Variants in RP1 observed in about 807,000 individuals in gnomAD.
The protein encoded by RP1 is RP1 axonemal microtubule associated, also known as oxygen-regulated protein 1.
Under a neutral mutation model 14.8 loss-of-function variants are expected in RP1, and 16 were observed. The ratio of observed to expected loss-of-function variants is 1.08; its 90% CI spans 0.73 to 1.65. RP1 has a LOEUF of 1.65. Ranked by LOEUF, RP1 falls within the 40% of genes most tolerant of loss-of-function variation. The probability of loss-of-function intolerance (pLI) is 0.00; values close to 1 mark genes in which losing one functional copy is unlikely to be tolerated. For missense variants in RP1, 2,631 were observed against 2,535.0 expected (o/e 1.04, Z -0.81); for synonymous variants, 876 against 883.6 (o/e 0.99, Z 0.15).
intron 1 of RP1, among the ~76,000 whole-genome samples, chr8:54,599,583 C>T (rs971539766): frequency 2.6e-5 from 4 of 152,004 alleles, no homozygotes; most frequent in African/African-American, 7.2e-5. Context: ...CTCAGCCTCC[C>T]GAGTAGGCTA....
At position 54,732,294 on chromosome 8, in the gene RP1, C is replaced by T. The variant is rs144737579; in HGVS notation, c.2522-2251C>T. On this transcript the variant is annotated intron_variant, in intron 17 of 22. Coordinates refer to the RP1 transcript ENST00000636932. ...CACTCCTCAATTACTCACTTCCTGC[C>T]CTCCGCTACACCTGAACTTTTCAGT... is the stretch of plus-strand genomic sequence containing the variant. Among the ~76,000 whole-genome samples the T allele has an allele frequency of 2.2e-3, 336 of 152,280 alleles. 1 individual carries two copies. The highest frequency in any genetic ancestry group is 7.5e-3 in the African/African-American group (310 of 41,560).
rs375877155 is a variant in RP1, at chr8:54,670,671, T to TTATATATATA, written c.1324-3152_1324-3143dup. Among the ~76,000 whole-genome samples, 89 of 62,542 alleles carry TTATATATATA rather than the reference T, an allele frequency of 1.4e-3. 11 individuals are homozygous for TTATATATATA. The highest frequency in any genetic ancestry group is 4.4e-3 in the African/African-American group (64 of 14,522). The allele number at this position is 62,542 out of a possible 152,430, so 41.0% of individuals were successfully genotyped here. ...ATATTTATGAATAATATATATGTTT[T>TTATATATATA]TATATATATATATATATATATATAT... On this transcript the variant is annotated intron_variant, in intron 7 of 22. Transcript: ENST00000636932.
chr8:54,864,951 A>G (rs984667951), intron 27 of RP1, among the ~76,000 whole-genome samples: 21 of 152,274 alleles, frequency 1.4e-4, no homozygotes, highest in Admixed American at 1.1e-3. Context: ...AGGAACTGAC[A>G]TCTTTATGAT....
intron 1 of RP1, among the ~76,000 whole-genome samples, chr8:54,579,652 T>A (rs976194461): frequency 6.6e-6 from 1 of 152,226 alleles, no homozygotes; most frequent in Admixed American, 6.5e-5. Context: ...TCCAGCATCT[T>A]TGAAACCACC....
chr8:54,629,551 C>A lies in RP1; in HGVS notation c.5669C>A (p.Pro1890Gln), dbSNP rs750660029. ...TCTGATGATGCTATTAAAAACCAAC[C>A]ATTGCCTGGCAGTAATATGATTCAT... is the stretch of plus-strand genomic sequence containing the variant. ...PVSDDAIKNQ[P>Q]LPGSNMIHGT... is the part of the protein sequence containing the mutation. Residue 1890 changes from proline (P) to glutamine (Q), a missense_variant, in exon 4 of 4, where the codon CCA (proline) becomes CAA (glutamine). Pro to Gln is a moderately conservative substitution (Grantham distance 76). Transcript: ENST00000220676. 1.9e-6 allele frequency: 3 copies of A among 1,614,024 alleles called. No individual in the cohort carries two copies. The highest frequency in any genetic ancestry group is 2.2e-5 in the East Asian group (1 of 44,874).
At chr8:54,816,723 A>C (rs1381804796) in intron 24 of RP1, among the ~76,000 whole-genome samples, 1 of 152,212 alleles carries the variant, frequency 6.6e-6, no homozygotes, top group African/African-American at 2.4e-5. Context: ...ATCTTTTAGA[A>C]ACATAAACTG....
rs567600904 is a variant in RP1, at chr8:54,761,483, C to T, written c.3248+2407C>T. Among the ~76,000 whole-genome samples the T allele has an allele frequency of 1.8e-4, 27 of 152,170 alleles. No individual in the cohort carries two copies. The East Asian group carries it at 3.5e-3, about 20-fold the overall frequency. Reference sequence around the variant, plus strand: ...AACCCCTGACTTCAGGCAATCCGCTCGCCTTAACCTCCCAAACTGCTGGAT... The same window carrying T: ...AACCCCTGACTTCAGGCAATCCGCTTGCCTTAACCTCCCAAACTGCTGGAT... On this transcript the variant is annotated intron_variant, in intron 22 of 22. Transcript: ENST00000636932.
chr8:54,818,548 T>A (rs940401520), intron 24 of RP1, among the ~76,000 whole-genome samples: 2 of 152,240 alleles, frequency 1.3e-5, no homozygotes, highest in Admixed American at 1.3e-4. Flanking sequence ...GACCTCTTGA[T>A]GCAGAAGGAC....
chr8:54,599,370 G>A (rs927140267), intron 1 of RP1, among the ~76,000 whole-genome samples: 2 of 151,822 alleles, frequency 1.3e-5, no homozygotes, highest in African/African-American at 4.8e-5. Flanking sequence ...GGAATTGCTT[G>A]TTGAAGTAGT....
Position 54,601,053 on chromosome 8 carries a change from C to T in RP1, c.-12-19902C>T, listed in dbSNP as rs16920580. ...TAGGGAGACGTGGTCTCCTCCATTT[C>T]GGTCTGGACTATTCTCTGCAACTAA... is the stretch of plus-strand genomic sequence containing the variant. On this transcript the variant is annotated intron_variant, in intron 1 of 22. Transcript: ENST00000636932. Among the ~76,000 whole-genome samples the T allele has an allele frequency of 6.1e-3, 925 of 152,242 alleles. 12 individuals are homozygous for T. The highest frequency in any genetic ancestry group is 0.04 in the East Asian group (206 of 5,168).
intron 22 of RP1, among the ~76,000 whole-genome samples, chr8:54,760,500 TG>T (rs1319230066): frequency 1.3e-5 from 2 of 152,206 alleles, no homozygotes; most frequent in Admixed American, 1.3e-4. Context: ...AGAAAAAATA[TG>T]GGGGAAAATA....
At chr8:54,723,650 G>A (rs1808585063) in intron 16 of RP1, among the ~76,000 whole-genome samples, 1 of 152,058 alleles carries the variant, frequency 6.6e-6, no homozygotes, top group African/African-American at 2.4e-5. Context: ...TGATTATCCG[G>A]ATATGTGGGT....
chr8:54,588,263 A>G (rs1585531347), intron 1 of RP1, among the ~76,000 whole-genome samples: 1 of 152,350 alleles, frequency 6.6e-6, no homozygotes, highest in East Asian at 1.9e-4. Context: ...CTTACAGGAT[A>G]GAATGTCAGG....
chr8:54,622,407 G>A (rs1270679296), intron 3 of RP1, 119 bp downstream of exon 3: 6 of 833,732 alleles, frequency 7.2e-6, no homozygotes, highest in Non-Finnish European at 1.2e-5. Context: ...GAAAAGGAGA[G>A]GATTTAAAAA....
At chr8:54,713,266 T>G (rs1346523585) in intron 15 of RP1, among the ~76,000 whole-genome samples, 1 of 152,184 alleles carries the variant, frequency 6.6e-6, no homozygotes, top group African/African-American at 2.4e-5. Flanking sequence ...TAAATCACCT[T>G]AATAGATTTG....
rs917249027 is a variant in RP1 at position 54,679,945 on chromosome 8, G to A, written c.1717+12G>A. The A allele has an allele frequency of 1.2e-5, 19 of 1,535,432 alleles. No homozygotes were observed. The East Asian group carries it at 2.2e-4, about 18-fold the overall frequency. Reference sequence around the variant, plus strand: ...GACAGACAAATATGGTAAAACTATCGTACAAAGCTTGTGGTGCTGGACAGG... The same window carrying A: ...GACAGACAAATATGGTAAAACTATCATACAAAGCTTGTGGTGCTGGACAGG... On this transcript the variant is annotated intron_variant, in intron 12 of 22. Coordinates refer to the RP1 transcript ENST00000636932.
intron 12 of RP1, among the ~76,000 whole-genome samples, chr8:54,692,176 A>C (rs1256388260): frequency 1.3e-5 from 2 of 151,622 alleles, no homozygotes; most frequent in Non-Finnish European, 2.9e-5. Flanking sequence ...ATAGTATTCC[A>C]TGGTGTATAT....
At chr8:54,731,132 G>A (rs1808784811) in intron 17 of RP1, among the ~76,000 whole-genome samples, 1 of 152,084 alleles carries the variant, frequency 6.6e-6, no homozygotes, top group Admixed American at 6.6e-5. Context: ...ATCAACCCAT[G>A]AACTATTAGA....
chr8:54,752,445 A>G (rs1474691220), intron 19 of RP1, among the ~76,000 whole-genome samples: 1 of 152,234 alleles, frequency 6.6e-6, no homozygotes, highest in African/African-American at 2.4e-5. Flanking sequence ...TCACAAACAT[A>G]GCAACTCGGT....
Sources: allele counts gnomAD v4.1 joint callset (sites outside exome capture counted in the v4.1 genomes callset), GRCh38; gene constraint gnomAD v4.1.1; transcripts MANE v1.5; gene names NCBI Gene and HGNC (gene_info 2026-07-23, HGNC 2026-07-21).